EIF4ENIF1: variants seen among roughly 807,000 people sequenced by gnomAD.
EIF4ENIF1 encodes the protein eukaryotic translation initiation factor 4E transporter.
EIF4ENIF1 carries 23 observed loss-of-function variants against 110.5 expected under a neutral mutation model. That is an observed-to-expected ratio of 0.21 (90% CI 0.15 to 0.29). EIF4ENIF1 has a LOEUF of 0.29. Among genes scored for constraint, EIF4ENIF1 ranks in the 10% least tolerant of loss-of-function variants. The probability of loss-of-function intolerance (pLI) is 1.00; values close to 1 mark genes in which losing one functional copy is unlikely to be tolerated. For synonymous variants in EIF4ENIF1, 440 were observed against 437.0 expected (o/e 1.01, Z -0.09); for missense variants, 1,031 against 1,221.1 (o/e 0.84, Z 2.32).
chr22:31,491,701 A>G (rs1292070783), upstream of EIF4ENIF1, among the ~76,000 whole-genome samples: 1 of 152,016 alleles, frequency 6.6e-6, no homozygotes. Flanking sequence ...CCACTACAGC[A>G]GGCTAATTTT....
At chr22:31,491,251 A>G (rs941535942), upstream of EIF4ENIF1, among the ~76,000 whole-genome samples, 1 of 152,242 alleles carries the variant, frequency 6.6e-6, no homozygotes, top group African/African-American at 2.4e-5. Flanking sequence ...AGCCTTTTTA[A>G]GCCTATACAG....
At chr22:31,444,404 A>G in intron 15 of EIF4ENIF1, 1 of 533,654 alleles carries the variant, frequency 1.9e-6, no homozygotes, top group East Asian at 3.3e-5. Context: ...TATTTTCCCC[A>G]ATATAGGGGC....
In EIF4ENIF1 at chr22:31,469,672, C is replaced by T. The variant is rs192616878; in HGVS notation, c.171-1370G>A. 1.2e-4 allele frequency among the ~76,000 whole-genome samples: 19 copies of T among 152,192 alleles called. No individual in the cohort carries two copies. The East Asian group carries it at 3.5e-3, about 28-fold the overall frequency. Reference sequence around the variant, plus strand: ...AATGTCTCTGCTTCAGAAATAAAAGCTGTTTGTCTGCCCAGGATAACTTTT... The same window carrying T: ...AATGTCTCTGCTTCAGAAATAAAAGTTGTTTGTCTGCCCAGGATAACTTTT... On this transcript the variant is annotated intron_variant, in intron 3 of 18. Transcript: ENST00000330125.
intron 4 of EIF4ENIF1, chr22:31,464,238 C>A (rs1249949157): frequency 5.6e-6 from 2 of 357,958 alleles, no homozygotes; most frequent in Non-Finnish European, 1.0e-5. Flanking sequence ...TTGACCAAAT[C>A]CTTATCTAAG....
chr22:31,443,362 A>T, intron 15 of EIF4ENIF1: 1 of 324,494 alleles, frequency 3.1e-6, no homozygotes, highest in Non-Finnish European at 5.6e-6. Flanking sequence ...GCCTGGGATT[A>T]GGCTGGCAAG....
chr22:31,490,566 C>T (rs1182982395), upstream of EIF4ENIF1, among the ~76,000 whole-genome samples: 3 of 152,160 alleles, frequency 2.0e-5, no homozygotes, highest in Non-Finnish European at 4.4e-5. Context: ...TGTTTCCCTC[C>T]GGTAACCTGA....
At chr22:31,448,269 G>C in intron 12 of EIF4ENIF1, 37 bp from the exon 13 acceptor site, 2 of 1,600,068 alleles carry the variant, frequency 1.2e-6, no homozygotes, top group Non-Finnish European at 1.7e-6. Context: ...TACCAAGATG[G>C]TATGTGTGCA....
intron 4 of EIF4ENIF1, among the ~76,000 whole-genome samples, chr22:31,466,353 C>T (rs1236459647): frequency 6.6e-6 from 1 of 151,528 alleles, no homozygotes; most frequent in Non-Finnish European, 1.5e-5. Flanking sequence ...GCAGAGGTTG[C>T]AGTGAGCCGA....
At position 31,467,416 on chromosome 22, in the gene EIF4ENIF1, C is replaced by G. The variant is rs941997044; in HGVS notation, c.298+759G>C. Among the ~76,000 whole-genome samples, 3 of 152,282 alleles carry G rather than the reference C, an allele frequency of 2.0e-5. No homozygotes were observed. The South Asian group carries it at 6.2e-4, about 32-fold the overall frequency. On this transcript the variant is annotated intron_variant, in intron 4 of 18. Transcript: ENST00000330125. ...ACCTGGTCTCCATTTCACCCTTAAA[C>G]AACGTTTCTAAAGGGGTAAACTTTA...
At chr22:31,443,270 T>C in intron 15 of EIF4ENIF1, 176 bp from the exon 16 acceptor site, 1 of 811,790 alleles carries the variant, frequency 1.2e-6, no homozygotes. Flanking sequence ...AAATAGGCAG[T>C]GTCCCAAGTA....
At chr22:31,483,407 T>TGCCC (rs1419355800) in intron 2 of EIF4ENIF1, among the ~76,000 whole-genome samples, 1 of 151,932 alleles carries the variant, frequency 6.6e-6, no homozygotes, top group East Asian at 1.9e-4. Flanking sequence ...CTTGTCATCC[T>TGCCC]GCCCAGGCTG....
At chr22:31,456,325 A>G (rs191929998) in intron 7 of EIF4ENIF1, among the ~76,000 whole-genome samples, 5,165 of 148,474 alleles carry the variant, frequency 0.035, 117 homozygotes, top group Middle Eastern at 0.054. Context: ...CCGGGTTCAC[A>G]CCATTCTCCT....
In EIF4ENIF1 at chr22:31,444,628, G is replaced by A; in HGVS notation, c.2051C>T (p.Pro684Leu). The stretch of plus-strand genomic sequence containing the variant: ...GACCATGCTTGTGATGGAGGCAGCA[G>A]GGGCAGGGGAAGAGGAATTCCCTCG... ...VHRGNSSSPA[P>L]AASITSMLSP... Residue 684 changes from proline (P) to leucine (L), a missense_variant, in exon 15 of 19, where the codon CCT becomes CTT. Pro to Leu is a moderately conservative substitution (Grantham distance 98, BLOSUM62 -3). Transcript: ENST00000330125. 6.2e-7 allele frequency: 1 copy of A among 1,614,136 alleles called. No homozygotes were observed. Among genetic ancestry groups the A allele is most frequent in the Non-Finnish European group, 8.5e-7 (1 of 1,179,976 alleles).
At position 31,440,008 on chromosome 22, in the gene EIF4ENIF1, G is replaced by A. The variant is rs757609510; in HGVS notation, c.2830C>T (p.Arg944Cys). 3.7e-6 allele frequency: 6 copies of A among 1,613,954 alleles called. No homozygotes were observed. The South Asian group carries it at 4.4e-5, about 12-fold the overall frequency. Residue 944 changes from arginine (R) to cysteine (C), a missense_variant, in exon 19 of 19, where the codon CGC becomes TGC. Arg to Cys is a radical substitution (Grantham distance 180). Coordinates refer to ENST00000330125, the MANE Select transcript of EIF4ENIF1 (RefSeq NM_019843.4). ...LPHMHSQLEH[R>C]PSQRSSSPVG... ...GGGGAGCTGCTCCTCTGGCTGGGGC[G>A]ATGCTCCAGCTGGGAGTGCATGTGG... is the stretch of plus-strand genomic sequence containing the variant.
At chr22:31,485,447 T>C (rs1229757339) in intron 2 of EIF4ENIF1, among the ~76,000 whole-genome samples, 1 of 152,158 alleles carries the variant, frequency 6.6e-6, no homozygotes, top group Non-Finnish European at 1.5e-5. Flanking sequence ...GAAATATACA[T>C]GTTAACCTCT....
In EIF4ENIF1 at chr22:31,468,276, C is replaced by A; in HGVS notation, c.197G>T (p.Trp66Leu). 6.2e-7 allele frequency: 1 copy of A among 1,614,158 alleles called. No individual in the cohort carries two copies. The highest frequency in any genetic ancestry group is 8.5e-7 in the Non-Finnish European group (1 of 1,180,046). ...DSDGVWDPEK[W>L]HASLYPASGR... The stretch of plus-strand genomic sequence containing the variant: ...TGAAGCTGGGTAGAGAGAGGCATGC[C>A]ACTTCTCAGGGTCCCAGACACCATC... Residue 66 changes from tryptophan (W) to leucine (L), a missense_variant, in exon 4 of 19, where the codon TGG becomes TTG. This residue lies in a region of EIF4ENIF1 where 704 missense variants were observed against 879.7 expected (regional missense o/e 0.80). Coordinates refer to ENST00000330125, the MANE Select transcript of EIF4ENIF1 (RefSeq NM_019843.4).
chr22:31,484,742 G>C (rs1477750340), intron 2 of EIF4ENIF1, among the ~76,000 whole-genome samples: 1 of 152,190 alleles, frequency 6.6e-6, no homozygotes, highest in Non-Finnish European at 1.5e-5. Context: ...GGTGAAGCAG[G>C]AGAATAGGTT....
chr22:31,489,055 A>T lies in EIF4ENIF1; in HGVS notation c.-27-310T>A, dbSNP rs755211047. 5.6e-5 allele frequency: 13 copies of T among 230,200 alleles called. No individual in the cohort carries two copies. The Middle Eastern group carries it at 8.4e-3, about 149-fold the overall frequency. 14.3% of individuals were successfully genotyped at this position (230,200 alleles called of 1,614,324 possible). A position where few individuals can be genotyped will look rare whatever the true frequency, so the allele number is the denominator to read the frequency against. ...AGCTGCCACCCATGGGGATCTTTCA[A>T]GACTGGTGGGGAAGTTTCCCGGAGT... is the stretch of plus-strand genomic sequence containing the variant. On this transcript the variant is annotated intron_variant, in intron 1 of 18. Transcript: ENST00000330125.
intron 17 of EIF4ENIF1, among the ~76,000 whole-genome samples, chr22:31,441,550 G>GAAAAAAAAAAAAAAAAAAAAAAAAAAAA (rs771597260): frequency 4.6e-5 from 3 of 65,254 alleles, no homozygotes; most frequent in Admixed American, 1.9e-4. Context: ...CTACAAAAAG[G>GAAAAAAAAAAAAAAAAAAAAAAAAAAAA]AAAAAAAAAA....
Sources: gnomAD v4.1 joint callset for allele counts (sites outside exome capture counted in the v4.1 genomes callset) on GRCh38, gnomAD v4.1.1 for gene constraint, gnomAD v4.1.1 regional missense constraint, MANE v1.5 for transcripts, NCBI Gene and HGNC (gene_info 2026-07-23, HGNC 2026-07-21) for gene names.